Variants in THSD4 observed in about 807,000 individuals in gnomAD.
The protein encoded by THSD4 is thrombospondin type 1 domain containing 4.
A neutral mutation model predicts 119.0 loss-of-function variants in THSD4; 69 were observed. The observed-to-expected ratio is 0.58, with a 90% CI of 0.48 to 0.71. THSD4 has a LOEUF of 0.71. THSD4 is among the 30% of genes least tolerant of loss of function. The probability of loss-of-function intolerance (pLI) is 0.00; values close to 1 mark genes in which losing one functional copy is unlikely to be tolerated. For missense variants in THSD4, 1,393 were observed against 1,391.1 expected, an observed-to-expected ratio of 1.00 and a Z score of -0.02; for synonymous variants, 524 against 540.4, an observed-to-expected ratio of 0.97 and a Z score of 0.42.
chr15:71,677,115 G>A (rs1290339978), intron 8 of THSD4, among the ~76,000 whole-genome samples: 1 of 152,198 alleles, frequency 6.6e-6, no homozygotes, highest in Non-Finnish European at 1.5e-5. Flanking sequence ...GTGTGTTTTT[G>A]AAAGAGTATT....
chr15:71,127,600 AG>A (rs757242596), intron 1 of THSD4, among the ~76,000 whole-genome samples: 40 of 152,208 alleles, frequency 2.6e-4, no homozygotes, highest in Non-Finnish European at 5.4e-4. Context: ...TTTTGATAAT[AG>A]CCATTCTGAC....
intron 8 of THSD4, among the ~76,000 whole-genome samples, chr15:71,717,411 G>A (rs1188971646): frequency 6.6e-6 from 1 of 152,204 alleles, no homozygotes; most frequent in African/African-American, 2.4e-5. Context: ...TATCACATTA[G>A]TGTAGGTGCT....
chr15:71,407,968 G>A (rs1378634033), intron 6 of THSD4, among the ~76,000 whole-genome samples: 1 of 152,142 alleles, frequency 6.6e-6, no homozygotes, highest in Non-Finnish European at 1.5e-5. Flanking sequence ...TAGGTGAAAT[G>A]TTCCTTTTGG....
intron 7 of THSD4, among the ~76,000 whole-genome samples, chr15:71,495,189 C>T (rs930709617): frequency 7.2e-5 from 11 of 152,188 alleles, no homozygotes; most frequent in African/African-American, 2.4e-4. Flanking sequence ...AACCCAACCC[C>T]GTTTTTCTCA....
intron 7 of THSD4, among the ~76,000 whole-genome samples, chr15:71,608,725 T>C (rs2050164660): frequency 6.6e-6 from 1 of 152,210 alleles, no homozygotes; most frequent in East Asian, 1.9e-4. Flanking sequence ...CTAATCTCTG[T>C]TTCTACTGCC....
intron 4 of THSD4, among the ~76,000 whole-genome samples, chr15:71,234,599 A>C (rs540170918): frequency 1.0e-3 from 155 of 152,336 alleles, no homozygotes; most frequent in Non-Finnish European, 1.8e-3. Flanking sequence ...CCAGCCTGCT[A>C]GTCAAACTCT....
At chr15:71,457,955 C>T (rs895261500) in intron 7 of THSD4, among the ~76,000 whole-genome samples, 1 of 152,144 alleles carries the variant, frequency 6.6e-6, no homozygotes, top group Non-Finnish European at 1.5e-5. Context: ...GGGGAATGAA[C>T]AAATGAAGTC....
At chr15:71,373,122 G>T (rs532959131) in intron 6 of THSD4, among the ~76,000 whole-genome samples, 2 of 152,256 alleles carry the variant, frequency 1.3e-5, no homozygotes, top group Non-Finnish European at 2.9e-5. Flanking sequence ...GTTGGAAACA[G>T]TTTATCTAAA....
chr15:71,124,295 G>A (rs1206102527), intron 1 of THSD4, among the ~76,000 whole-genome samples: 2 of 152,154 alleles, frequency 1.3e-5, no homozygotes, highest in Non-Finnish European at 2.9e-5. Flanking sequence ...TGACTTATGG[G>A]CACTGCAATT....
chr15:71,350,578 T>G (rs948667553), intron 6 of THSD4, among the ~76,000 whole-genome samples: 2 of 152,134 alleles, frequency 1.3e-5, no homozygotes, highest in African/African-American at 2.4e-5. Flanking sequence ...TCTTCTTCAT[T>G]GCTTAAAATA....
intron 6 of THSD4, among the ~76,000 whole-genome samples, chr15:71,325,315 C>T (rs892830074): frequency 2.6e-5 from 4 of 152,182 alleles, no homozygotes; most frequent in Non-Finnish European, 4.4e-5. Flanking sequence ...CTTTTCCTTC[C>T]ATTGCAAGAC....
chr15:71,368,383 G>A (rs140272364), intron 6 of THSD4, among the ~76,000 whole-genome samples: 9,061 of 152,212 alleles, frequency 0.06, 887 homozygotes, highest in African/African-American at 0.21. Context: ...GAATGTAATT[G>A]CCTAGGTTTT....
chr15:71,561,590 A>AGG (rs1336436333), intron 7 of THSD4, among the ~76,000 whole-genome samples: 4 of 152,070 alleles, frequency 2.6e-5, no homozygotes, highest in Non-Finnish European at 5.9e-5. Flanking sequence ...GATCCTAGAG[A>AGG]GGGGAGGTAT....
intron 7 of THSD4, chr15:71,549,607 A>T (rs896299645): frequency 6.6e-6 from 1 of 152,148 alleles, no homozygotes; most frequent in African/African-American, 2.4e-5. Flanking sequence ...TTACCCATAA[A>T]CATGTGGCGT....
intron 13 of THSD4, among the ~76,000 whole-genome samples, chr15:71,747,982 A>G (rs557055279): frequency 6.6e-6 from 1 of 152,266 alleles, no homozygotes; most frequent in Admixed American, 6.5e-5. Context: ...CCTGTTTATA[A>G]TTTGGTATCT....
chr15:71,270,039 A>G (rs2044510238), intron 6 of THSD4, among the ~76,000 whole-genome samples: 1 of 152,204 alleles, frequency 6.6e-6, no homozygotes, highest in Non-Finnish European at 1.5e-5. Flanking sequence ...AGTGATTTAT[A>G]GATTCAATGC....
At chr15:71,243,966 T>C (rs897470697) in intron 5 of THSD4, among the ~76,000 whole-genome samples, 1 of 151,950 alleles carries the variant, frequency 6.6e-6, no homozygotes, top group Non-Finnish European at 1.5e-5. Context: ...TCTGTTTTTT[T>C]AGTAGAGACG....
At chr15:71,100,688 A>G (rs1165191576) in intron 1 of THSD4, among the ~76,000 whole-genome samples, 1 of 152,210 alleles carries the variant, frequency 6.6e-6, no homozygotes, top group Non-Finnish European at 1.5e-5. Flanking sequence ...AATTTAATGT[A>G]AGAATTGAGG....
At chr15:71,100,043 A>G (rs551084737) in intron 1 of THSD4, among the ~76,000 whole-genome samples, 2 of 152,262 alleles carry the variant, frequency 1.3e-5, no homozygotes, top group African/African-American at 2.4e-5. Context: ...GTTGTTTCTT[A>G]GTTTTCTTTG....
Sources: gnomAD v4.1 joint callset for allele counts (sites outside exome capture counted in the v4.1 genomes callset) on GRCh38, gnomAD v4.1.1 for gene constraint, MANE v1.5 for transcripts, NCBI Gene and HGNC (gene_info 2026-07-23, HGNC 2026-07-21) for gene names.